The following LPP variants were observed in gnomAD, a reference collection of about 807,000 sequenced individuals.
The protein encoded by LPP is lipoma-preferred partner.
Under a neutral mutation model 60.4 loss-of-function variants are expected in LPP, and 38 were observed. The observed-to-expected ratio is 0.63, with a 90% CI of 0.49 to 0.83. LPP has a LOEUF of 0.83. Ranked by LOEUF, LPP falls within the 40% of genes least tolerant of loss-of-function variation. LPP has a pLI of 0.00. For missense variants in LPP, 902 were observed against 783.6 expected, an observed-to-expected ratio of 1.15 and a Z score of -1.80; for synonymous variants, 328 against 290.8, an observed-to-expected ratio of 1.13 and a Z score of -1.30.
intron 2 of LPP, among the ~76,000 whole-genome samples, chr3:188,266,735 G>A (rs1577694197): frequency 2.0e-5 from 3 of 152,192 alleles, no homozygotes; most frequent in East Asian, 1.9e-4. Context: ...AGGACAGATC[G>A]AGTTATTGCC....
At chr3:188,366,353 A>T (rs1407035336) in intron 3 of LPP, among the ~76,000 whole-genome samples, 2 of 152,174 alleles carry the variant, frequency 1.3e-5, no homozygotes, top group African/African-American at 4.8e-5. Flanking sequence ...ATGGGAGTGC[A>T]GGTGTCTCCT....
rs560905568 is a variant in LPP, at chr3:188,413,534, G to A, written c.193+7221G>A. On this transcript the variant is annotated intron_variant, in intron 4 of 11. Transcript: ENST00000617246. ...TGTCATGCCCCTTTTCTGGATGAGC[G>A]TAAGCATCTCGAGCCTCATCCATCA... Among the ~76,000 whole-genome samples, 10 of 152,204 alleles carry A rather than the reference G, an allele frequency of 6.6e-5. No individual in the cohort carries two copies. In the South Asian group the frequency reaches 1.0e-3, roughly 16 times the overall value.
chr3:188,557,911 A>G (rs1829853907), intron 6 of LPP, among the ~76,000 whole-genome samples: 2 of 152,122 alleles, frequency 1.3e-5, no homozygotes, highest in South Asian at 4.1e-4. Flanking sequence ...GCAGGTAAAG[A>G]GAAGATCCCT....
chr3:188,345,018 G>A (rs533770997), intron 3 of LPP, among the ~76,000 whole-genome samples: 5 of 152,250 alleles, frequency 3.3e-5, no homozygotes, highest in South Asian at 4.1e-4. Flanking sequence ...GGGACTTCAC[G>A]AAGTAATCTA....
chr3:188,594,995 T>G (rs1439678610), intron 6 of LPP, among the ~76,000 whole-genome samples: 3 of 152,142 alleles, frequency 2.0e-5, no homozygotes, highest in Non-Finnish European at 2.9e-5. Flanking sequence ...ACCTCTACAG[T>G]TCCTGATATT....
intron 9 of LPP, among the ~76,000 whole-genome samples, chr3:188,835,461 A>G (rs548520348): frequency 6.6e-6 from 1 of 151,928 alleles, no homozygotes; most frequent in South Asian, 2.1e-4. Context: ...AATACAAAAA[A>G]AAAAAAAATC....
At chr3:188,735,799 AAAC>A (rs1476185144) in intron 8 of LPP, among the ~76,000 whole-genome samples, 1 of 152,228 alleles carries the variant, frequency 6.6e-6, no homozygotes, top group Non-Finnish European at 1.5e-5. Flanking sequence ...TTGTGTGTCT[AAAC>A]AAGTGACAAC....
In LPP at chr3:188,182,766, T is replaced by C. The variant is rs1407463904; in HGVS notation, c.-190+28514T>C. On this transcript the variant is annotated intron_variant, in intron 1 of 11. Transcript: ENST00000617246. This position sits in a 1 kb window ranked among gnomAD's most constrained non-coding sequence, Gnocchi z 4.4. ...TATATACATATATGTACATATATTA[T>C]ATATGTGCATATATAATATATGTAC... Among the ~76,000 whole-genome samples the C allele has an allele frequency of 6.7e-6, 1 of 149,128 alleles. No homozygotes were observed. Among genetic ancestry groups the C allele is most frequent in the African/African-American group, 2.5e-5 (1 of 40,578 alleles).
chr3:188,263,428 T>C (rs1168533918), intron 2 of LPP, among the ~76,000 whole-genome samples: 1 of 152,222 alleles, frequency 6.6e-6, no homozygotes, highest in East Asian at 1.9e-4. Context: ...CTTTTGCATA[T>C]GGAAGAGAGC....
At chr3:188,823,438 TC>T (rs1250360328) in intron 9 of LPP, among the ~76,000 whole-genome samples, 1 of 152,118 alleles carries the variant, frequency 6.6e-6, no homozygotes, top group African/African-American at 2.4e-5. Flanking sequence ...AAAGTTGGCA[TC>T]CCAGTTCGGA....
At chr3:188,613,379 G>A (rs1482750444) in intron 7 of LPP, among the ~76,000 whole-genome samples, 3 of 151,726 alleles carry the variant, frequency 2.0e-5, no homozygotes, top group African/African-American at 7.3e-5. Context: ...CAGCTTGAAA[G>A]TTCCAGTGCT....
chr3:188,817,574 A>G (rs898158037), intron 9 of LPP, among the ~76,000 whole-genome samples: 10 of 152,298 alleles, frequency 6.6e-5, no homozygotes, highest in African/African-American at 2.4e-4. Context: ...TTCCTGAAGC[A>G]TATCACACCT....
chr3:188,805,567 T>A (rs1432098803), intron 9 of LPP, among the ~76,000 whole-genome samples: 3 of 151,872 alleles, frequency 2.0e-5, no homozygotes, highest in African/African-American at 7.2e-5. Context: ...TCACTGAGAT[T>A]TTCTCTATTG....
chr3:188,196,694 G>C (rs1318733028), intron 1 of LPP, among the ~76,000 whole-genome samples: 1 of 152,106 alleles, frequency 6.6e-6, no homozygotes, highest in Non-Finnish European at 1.5e-5. Flanking sequence ...CTCATTCAGG[G>C]CAAATTAAGA....
chr3:188,280,748 T>A (rs1217418047), intron 2 of LPP, among the ~76,000 whole-genome samples: 2 of 151,880 alleles, frequency 1.3e-5, no homozygotes, highest in Non-Finnish European at 2.9e-5. Flanking sequence ...AACCAACTGG[T>A]GGATTAACAC....
intron 9 of LPP, among the ~76,000 whole-genome samples, chr3:188,813,945 G>T (rs1159508006): frequency 6.6e-6 from 1 of 152,058 alleles, no homozygotes; most frequent in African/African-American, 2.4e-5. Flanking sequence ...GGTGGTGCAC[G>T]CCTGTAATCC....
intron 7 of LPP, among the ~76,000 whole-genome samples, chr3:188,617,091 C>G (rs529933176): frequency 2.3e-4 from 35 of 152,168 alleles, no homozygotes; most frequent in South Asian, 1.2e-3. Flanking sequence ...GAAAGATTTG[C>G]TTGCTGATTG....
intron 3 of LPP, among the ~76,000 whole-genome samples, chr3:188,377,523 C>T (rs1476393029): frequency 6.6e-6 from 1 of 152,196 alleles, no homozygotes; most frequent in African/African-American, 2.4e-5. Flanking sequence ...CTGCATTCGT[C>T]ACGTAGCTCT....
intron 6 of LPP, among the ~76,000 whole-genome samples, chr3:188,532,943 C>A (rs953701344): frequency 3.3e-5 from 5 of 152,156 alleles, no homozygotes; most frequent in African/African-American, 1.2e-4. Flanking sequence ...ACTTTAAAAA[C>A]TATTCTAACT....
Sources: gnomAD v4.1 joint callset for allele counts (sites outside exome capture counted in the v4.1 genomes callset) on GRCh38, gnomAD v4.1.1 for gene constraint, Gnocchi (gnomAD v3.1) non-coding constraint, MANE v1.5 for transcripts, NCBI Gene and HGNC (gene_info 2026-07-23, HGNC 2026-07-21) for gene names.